The following RAD17 variants were observed in gnomAD, a reference collection of about 807,000 sequenced individuals.
RAD17 encodes the protein RAD17 checkpoint clamp loader component.
In RAD17, 31 loss-of-function variants were observed where a neutral mutation model predicts 81.5. That is an observed-to-expected ratio of 0.38 (90% CI 0.29 to 0.51). The LOEUF (loss-of-function observed/expected upper bound fraction) is 0.51. Ranked by LOEUF, RAD17 falls within the 20% of genes least tolerant of loss-of-function variation. The pLI, the probability that RAD17 is intolerant of heterozygous loss-of-function variation, is 0.88. For synonymous variants in RAD17, 261 were observed against 266.2 expected, an observed-to-expected ratio of 0.98 and a Z score of 0.19; for missense variants, 681 against 781.2, an observed-to-expected ratio of 0.87 and a Z score of 1.53.
intron 15 of RAD17, among the ~76,000 whole-genome samples, chr5:69,395,974 G>T (rs1353242848): frequency 6.6e-6 from 1 of 152,154 alleles, no homozygotes; most frequent in Non-Finnish European, 1.5e-5. Context: ...ACAGGCGTGA[G>T]CCACTGCGCC....
At chr5:69,377,223 GTCTA>G (rs1025349973) in intron 6 of RAD17, among the ~76,000 whole-genome samples, 5 of 151,748 alleles carry the variant, frequency 3.3e-5, no homozygotes, top group African/African-American at 1.2e-4. Context: ...TTTTTGGGCA[GTCTA>G]TCTGACACAC....
At chr5:69,389,211 T>A in intron 12 of RAD17, 66 bp downstream of exon 12, 1 of 981,000 alleles carries the variant, frequency 1.0e-6, no homozygotes, top group Non-Finnish European at 1.5e-6. Flanking sequence ...ATTCATTCAA[T>A]GAAATCAAAC....
In RAD17 at chr5:69,372,292, TAAAAG is replaced by T. The variant is rs1763057198; in HGVS notation, c.9+78_9+82del. Reference sequence around the variant, plus strand: ...GCCGATAATATTCCTAACTCTGTCTTAAAAGAAGAGTGAAGTGTGACTTAGCATTC... The same window carrying T: ...GCCGATAATATTCCTAACTCTGTCTTAAGAGTGAAGTGTGACTTAGCATTC... On this transcript the variant is annotated intron_variant, in intron 4 of 18. Transcript: ENST00000354868. 5 of 1,313,764 alleles carry T rather than the reference TAAAAG, an allele frequency of 3.8e-6. No individual in the cohort carries two copies. The Admixed American group carries it at 8.5e-5, about 22-fold the overall frequency. 81.4% of individuals were successfully genotyped at this position (1,313,764 alleles called of 1,614,324 possible). A position where few individuals can be genotyped will look rare whatever the true frequency, so the allele number is the denominator to read the frequency against.
upstream of RAD17, chr5:69,369,464 G>C (rs774701923): frequency 3.7e-6 from 6 of 1,610,426 alleles, no homozygotes; most frequent in Non-Finnish European, 5.1e-6. Context: ...CGCCCTGACC[G>C]GTGAGCAGGA....
chr5:69,402,396 T>C (rs1460011251), intron 17 of RAD17, among the ~76,000 whole-genome samples: 1 of 151,844 alleles, frequency 6.6e-6, no homozygotes, highest in East Asian at 2.0e-4. Context: ...CTGGGCGCAG[T>C]GGTTCACGCC....
intron 16 of RAD17, among the ~76,000 whole-genome samples, chr5:69,396,770 C>T (rs1482070638): frequency 2.0e-5 from 3 of 152,118 alleles, no homozygotes; most frequent in Non-Finnish European, 4.4e-5. Flanking sequence ...AAGACCATCA[C>T]AATTTGAAAA....
intron 17 of RAD17, among the ~76,000 whole-genome samples, chr5:69,408,790 C>T (rs1032199116): frequency 4.6e-5 from 7 of 152,100 alleles, no homozygotes; most frequent in Non-Finnish European, 7.4e-5. Flanking sequence ...GGATTACAGA[C>T]GTGAGCCACT....
intron 13 of RAD17, 168 bp from the exon 14 acceptor site, chr5:69,392,987 G>GA (rs1437013162): frequency 1.5e-5 from 8 of 536,264 alleles, no homozygotes; most frequent in African/African-American, 1.4e-4. Flanking sequence ...TGCTAATGTG[G>GA]AAAAAATAGG....
At chr5:69,390,588 G>T (rs1411209901) in intron 12 of RAD17, among the ~76,000 whole-genome samples, 3 of 152,120 alleles carry the variant, frequency 2.0e-5, no homozygotes, top group Non-Finnish European at 4.4e-5. Context: ...AGGCTGCCTG[G>T]ATTCCAGTCA....
chr5:69,377,262 T>C (rs1228613684), intron 6 of RAD17, among the ~76,000 whole-genome samples: 1 of 151,544 alleles, frequency 6.6e-6, no homozygotes, highest in African/African-American at 2.4e-5. Context: ...CTTTTTCTCA[T>C]TGATTTGTTT....
intron 17 of RAD17, among the ~76,000 whole-genome samples, chr5:69,405,263 G>A (rs1765519912): frequency 6.6e-6 from 1 of 152,112 alleles, no homozygotes; most frequent in Non-Finnish European, 1.5e-5. Flanking sequence ...CAGCACTCTG[G>A]GAGGCTGAGG....
Position 69,414,231 on chromosome 5 carries a change from C to T in RAD17, c.1952C>T (p.Ser651Leu). 1 of 1,614,198 alleles carries T rather than the reference C, an allele frequency of 6.2e-7. No individual in the cohort carries two copies. Among genetic ancestry groups the T allele is most frequent in the South Asian group, 1.1e-5 (1 of 91,086 alleles). Residue 651 changes from serine (S) to leucine (L), a missense_variant, in exon 19 of 19, where the codon TCA becomes TTA. Physicochemically the swap from Ser to Leu is moderately radical, Grantham distance 145. Transcript: ENST00000354868. Reference protein sequence around the residue: ...ELPASQPQPFSAQGDMEENII... With the variant: ...ELPASQPQPFLAQGDMEENII... The stretch of plus-strand genomic sequence containing the variant: ...CCTGCTAGCCAGCCCCAGCCCTTTT[C>T]AGCCCAAGGAGACATGGAAGAAAAC...
In RAD17 at chr5:69,372,048, C is replaced by T. The variant is rs1328207433; in HGVS notation, c.-161C>T. The T allele has an allele frequency of 5.3e-6, 7 of 1,324,106 alleles. No homozygotes were observed. Among genetic ancestry groups the T allele is most frequent in the East Asian group, 2.6e-5 (1 of 38,110 alleles). 82.0% of individuals were successfully genotyped at this position (1,324,106 alleles called of 1,614,324 possible). A position where few individuals can be genotyped will look rare whatever the true frequency, so the allele number is the denominator to read the frequency against. ...CTTTTTTTCAGTATATGGGAGTCCA[C>T]ATTTATGTAAGAAATGAAACTATAA... On this transcript the variant is annotated 5_prime_UTR_variant, in exon 4 of 19. Transcript: ENST00000354868.
chr5:69,389,543 G>C (rs1219860538), intron 12 of RAD17, among the ~76,000 whole-genome samples: 2 of 151,618 alleles, frequency 1.3e-5, no homozygotes, highest in African/African-American at 4.8e-5. Context: ...CACTATTATA[G>C]AGTGCTTCTT....
At chr5:69,375,442 A>G (rs1247519050) in intron 6 of RAD17, among the ~76,000 whole-genome samples, 2 of 152,240 alleles carry the variant, frequency 1.3e-5, no homozygotes, top group East Asian at 3.9e-4. Context: ...CCAAGGTAGA[A>G]TATTCTCTCC....
chr5:69,408,506 CTTTTTTT>C (rs913594965), intron 17 of RAD17, among the ~76,000 whole-genome samples: 12 of 88,452 alleles, frequency 1.4e-4, no homozygotes, highest in African/African-American at 2.7e-4. Context: ...ACCCTAATTA[CTTTTTTT>C]TTTTTTTTTT....
intron 4 of RAD17, 31 bp from the exon 5 acceptor site, chr5:69,373,799 A>T (rs2150767234): frequency 6.4e-7 from 1 of 1,554,134 alleles, no homozygotes; most frequent in African/African-American, 1.4e-5. Flanking sequence ...AGAAAATGTG[A>T]TTATATTTAC....
intron 6 of RAD17, among the ~76,000 whole-genome samples, chr5:69,379,654 A>G (rs1347919387): frequency 1.3e-5 from 2 of 152,138 alleles, no homozygotes; most frequent in Non-Finnish European, 2.9e-5. Flanking sequence ...ATTTAAAAAA[A>G]AATTTTTAAG....
At position 69,412,551 on chromosome 5, in the gene RAD17, C is replaced by A. The variant is rs149202185; in HGVS notation, c.1752-1480C>A. 2.6e-3 allele frequency among the ~76,000 whole-genome samples: 398 copies of A among 152,012 alleles called. 1 individual carries two copies. Among genetic ancestry groups the A allele is most frequent in the African/African-American group, 9.4e-3 (389 of 41,464 alleles). ...AATTGCTGGATCAATAGGTATATAC[C>A]TTTTGGGGCTTTTCCTCTTTATTGC... On this transcript the variant is annotated intron_variant, in intron 18 of 18. Coordinates refer to ENST00000354868, the MANE Select transcript of RAD17 (RefSeq NM_133338.3).
Sources: gnomAD v4.1 joint callset for allele counts (sites outside exome capture counted in the v4.1 genomes callset) on GRCh38, gnomAD v4.1.1 for gene constraint, MANE v1.5 for transcripts, NCBI Gene and HGNC (gene_info 2026-07-23, HGNC 2026-07-21) for gene names.